SLC8A1: variants seen among roughly 807,000 people sequenced by gnomAD.
The protein encoded by SLC8A1 is solute carrier family 8 member A1.
Under a neutral mutation model 68.3 loss-of-function variants are expected in SLC8A1, and 18 were observed. That is an observed-to-expected ratio of 0.26 (90% CI 0.18 to 0.39). The LOEUF (loss-of-function observed/expected upper bound fraction) is 0.39. Ranked by LOEUF, SLC8A1 falls within the 10% of genes least tolerant of loss-of-function variation. SLC8A1 has a pLI of 1.00. For missense variants in SLC8A1, 985 were observed against 1,156.7 expected (o/e 0.85, Z 2.15); for synonymous variants, 475 against 415.5 (o/e 1.14, Z -1.74).
chr2:40,270,999 A>AT (rs1237989174), intron 2 of SLC8A1, among the ~76,000 whole-genome samples: 1 of 152,094 alleles, frequency 6.6e-6, no homozygotes, highest in Non-Finnish European at 1.5e-5. Context: ...CTCCTGAGGT[A>AT]TACCCTAATC....
chr2:40,304,696 T>C (rs1340210470), intron 2 of SLC8A1, among the ~76,000 whole-genome samples: 1 of 152,152 alleles, frequency 6.6e-6, no homozygotes, highest in Non-Finnish European at 1.5e-5. Flanking sequence ...TGTGCTGCCG[T>C]GTCTGCTCAC....
At chr2:40,181,179 G>A (rs1031137298) in intron 2 of SLC8A1, among the ~76,000 whole-genome samples, 1 of 152,020 alleles carries the variant, frequency 6.6e-6, no homozygotes, top group African/African-American at 2.4e-5. Flanking sequence ...AGGCTGGTCT[G>A]GAACTCCTGA....
chr2:40,342,737 T>C (rs1376964281), intron 2 of SLC8A1, among the ~76,000 whole-genome samples: 1 of 152,148 alleles, frequency 6.6e-6, no homozygotes, highest in Non-Finnish European at 1.5e-5. Flanking sequence ...CACAATAAAC[T>C]TCAAGGTGCA....
At chr2:40,160,039 G>A (rs931406597) in intron 6 of SLC8A1, among the ~76,000 whole-genome samples, 4 of 150,406 alleles carry the variant, frequency 2.7e-5, no homozygotes, top group Non-Finnish European at 5.9e-5. Context: ...TGGAGCAGAA[G>A]AACAGGAAAA....
intron 6 of SLC8A1, among the ~76,000 whole-genome samples, chr2:40,145,058 G>A (rs889739732): frequency 4.6e-5 from 7 of 152,030 alleles, no homozygotes; most frequent in African/African-American, 1.4e-4. Context: ...TTTGACCTAT[G>A]TCTCTCATTG....
Position 40,308,822 on chromosome 2 carries a change from ATC to A in SLC8A1, c.1808+119649_1808+119650del, listed in dbSNP as rs553247000. Among the ~76,000 whole-genome samples the A allele has an allele frequency of 9.2e-5, 14 of 152,276 alleles. No individual in the cohort carries two copies. The East Asian group carries it at 1.9e-3, about 21-fold the overall frequency. ...GCAAAGGGCAAAACTTTGTCATCCCATCTCTTTGTAGAAGCATCTTCTCTGGA... is the reference window on the plus strand; with the variant it reads ...GCAAAGGGCAAAACTTTGTCATCCCATCTTTGTAGAAGCATCTTCTCTGGA... On this transcript the variant is annotated intron_variant, in intron 2 of 7. Transcript: ENST00000406785.
intron 2 of SLC8A1, among the ~76,000 whole-genome samples, chr2:40,335,348 T>A (rs901788235): frequency 2.0e-5 from 3 of 152,220 alleles, no homozygotes; most frequent in Admixed American, 6.5e-5. Flanking sequence ...AGAAGAAACA[T>A]CTACCATATA....
chr2:40,379,086 A>G (rs1250961887), intron 2 of SLC8A1, among the ~76,000 whole-genome samples: 1 of 152,108 alleles, frequency 6.6e-6, no homozygotes, highest in African/African-American at 2.4e-5. Flanking sequence ...CTGGCTCATA[A>G]TAGATGCCAT....
chr2:40,222,185 C>A (rs552730423), intron 2 of SLC8A1, among the ~76,000 whole-genome samples: 2 of 151,188 alleles, frequency 1.3e-5, no homozygotes, highest in South Asian at 2.1e-4. Flanking sequence ...TATATATATA[C>A]CAGTGGAACA....
intron 2 of SLC8A1, among the ~76,000 whole-genome samples, chr2:40,318,382 A>T (rs1254378538): frequency 6.6e-6 from 1 of 151,996 alleles, no homozygotes; most frequent in Non-Finnish European, 1.5e-5. Context: ...GTTAGTTTTG[A>T]CTCACACTTA....
intron 2 of SLC8A1, among the ~76,000 whole-genome samples, chr2:40,381,834 G>A (rs1176508007): frequency 6.6e-6 from 1 of 150,814 alleles, no homozygotes; most frequent in East Asian, 2.0e-4. Flanking sequence ...CACCTATCAT[G>A]ACTGCCTAAC....
At chr2:40,450,469 C>T (rs1702239215) in intron 1 of SLC8A1, among the ~76,000 whole-genome samples, 1 of 152,080 alleles carries the variant, frequency 6.6e-6, no homozygotes, top group East Asian at 1.9e-4. Context: ...TCGCACAAGT[C>T]TCAGATTGTG....
chr2:40,288,818 G>A (rs1019730356), intron 2 of SLC8A1, among the ~76,000 whole-genome samples: 5 of 139,712 alleles, frequency 3.6e-5, no homozygotes, highest in Non-Finnish European at 5.9e-5. Context: ...CTTCGAAAAT[G>A]TCTCTACTAA....
rs572631148 is a variant in SLC8A1, at chr2:40,215,388, A to G, written c.1809-37533T>C. On this transcript the variant is annotated intron_variant, in intron 2 of 7. Coordinates refer to ENST00000406785, the Ensembl canonical transcript of SLC8A1. ...CGCAGTGGCTCACGCCTGTAATCCC[A>G]GCACTTTGGGAGGCCGAGGCGGGTG... Among the ~76,000 whole-genome samples, 31 of 152,218 alleles carry G rather than the reference A, an allele frequency of 2.0e-4. No homozygotes were observed. The East Asian group carries it at 5.2e-3, about 26-fold the overall frequency.
At chr2:40,398,784 A>G (rs550729494) in intron 2 of SLC8A1, among the ~76,000 whole-genome samples, 1 of 152,164 alleles carries the variant, frequency 6.6e-6, no homozygotes, top group South Asian at 2.1e-4. Context: ...CTGCTGTTAT[A>G]AACTATGCTA....
chr2:40,498,139 A>G (rs1559772904), intron 1 of SLC8A1, among the ~76,000 whole-genome samples: 1 of 152,172 alleles, frequency 6.6e-6, no homozygotes, highest in East Asian at 1.9e-4. Flanking sequence ...AGTCAGGTGG[A>G]TAGTAAAGAT....
At chr2:40,439,997 T>C (rs989793004) in intron 1 of SLC8A1, among the ~76,000 whole-genome samples, 12 of 152,114 alleles carry the variant, frequency 7.9e-5, no homozygotes, top group Admixed American at 7.2e-4. Flanking sequence ...TACAATACAC[T>C]TTAAAAATGA....
intron 2 of SLC8A1, among the ~76,000 whole-genome samples, chr2:40,345,760 T>C (rs1471364666): frequency 1.3e-5 from 2 of 151,880 alleles, no homozygotes; most frequent in Non-Finnish European, 2.9e-5. Context: ...AACCAAACAC[T>C]GCATGTTCTC....
At chr2:40,337,286 T>G in intron 2 of SLC8A1, 2 of 326,746 alleles carry the variant, frequency 6.1e-6, no homozygotes, top group Non-Finnish European at 1.4e-5. Flanking sequence ...GGTATAAAAT[T>G]TTAGTATGTT....
Sources: allele counts gnomAD v4.1 joint callset (sites outside exome capture counted in the v4.1 genomes callset), GRCh38; gene constraint gnomAD v4.1.1; transcripts MANE v1.5; gene names NCBI Gene and HGNC (gene_info 2026-07-23, HGNC 2026-07-21).